Variants in ANKRD30A observed in about 807,000 individuals in gnomAD.
ANKRD30A encodes the protein ankyrin repeat domain 30A.
Under a neutral mutation model 166.3 loss-of-function variants are expected in ANKRD30A, and 170 were observed. The observed-to-expected ratio is 1.02, with a 90% CI of 0.90 to 1.16. The LOEUF is 1.16. Among genes scored for constraint, ANKRD30A ranks in the 50% most tolerant of loss-of-function variants. The pLI, the probability that ANKRD30A is intolerant of heterozygous loss-of-function variation, is 0.00. For synonymous variants in ANKRD30A, 564 were observed against 508.9 expected (o/e 1.11, Z -1.46); for missense variants, 1,630 against 1,518.0 (o/e 1.07, Z -1.23).
chr10:37,159,829 G>A (rs951847731), intron 15 of ANKRD30A, among the ~76,000 whole-genome samples: 5 of 152,106 alleles, frequency 3.3e-5, no homozygotes, highest in Middle Eastern at 3.4e-3. Flanking sequence ...CGAGTAGCTG[G>A]GACTCCAGGC....
chr10:37,251,583 TGA>T, the ANKRD30A span, among the ~76,000 whole-genome samples: 1 of 152,168 alleles, frequency 6.6e-6, no homozygotes, highest in Non-Finnish European at 1.5e-5. Flanking sequence ...TTTCTTCCTT[TGA>T]TACTGTGTGG....
downstream of ANKRD30A, among the ~76,000 whole-genome samples, chr10:37,232,866 C>A (rs1843507697): frequency 7.1e-6 from 1 of 141,068 alleles, no homozygotes; most frequent in African/African-American, 2.6e-5. Context: ...CCAATGCCCT[C>A]CAGCCTGGGC....
At chr10:37,257,026 C>CT in the ANKRD30A span, among the ~76,000 whole-genome samples, 17 of 150,488 alleles carry the variant, frequency 1.1e-4, no homozygotes, top group African/African-American at 2.4e-4. Flanking sequence ...TGGTCCTGGG[C>CT]TTTTTTTTTG....
rs1836546159 is a variant in ANKRD30A at position 37,134,286 on chromosome 10, CT to C, written c.755+236del. On this transcript the variant is annotated intron_variant, in intron 5 of 35. Coordinates refer to ENST00000361713, the MANE Select transcript of ANKRD30A (RefSeq NM_052997.3). ...AGTTATTTGGGTCTTGAAGTGTCCACTTTAGCAGAAAACCTGATAGTGTCCT... is the reference window on the plus strand; with the variant it reads ...AGTTATTTGGGTCTTGAAGTGTCCACTTAGCAGAAAACCTGATAGTGTCCT... 2.0e-5 allele frequency among the ~76,000 whole-genome samples: 3 copies of C among 152,246 alleles called. No homozygotes were observed. The East Asian group carries it at 5.8e-4, about 29-fold the overall frequency.
At chr10:37,235,765 CTTTTTTT>C (rs947216787), downstream of ANKRD30A, among the ~76,000 whole-genome samples, 4 of 114,950 alleles carry the variant, frequency 3.5e-5, no homozygotes, top group South Asian at 2.9e-4. Flanking sequence ...ATTTCATTCT[CTTTTTTT>C]TTTTTTTTTT....
At chr10:37,246,188 T>C in the ANKRD30A span, among the ~76,000 whole-genome samples, 1 of 152,222 alleles carries the variant, frequency 6.6e-6, no homozygotes, top group Non-Finnish European at 1.5e-5. Flanking sequence ...CTTCTAATAC[T>C]AGGTCTCAAA....
chr10:37,166,839 G>A, intron 19 of ANKRD30A, 144 bp downstream of exon 19: 1 of 1,408,994 alleles, frequency 7.1e-7, no homozygotes, highest in Non-Finnish European at 9.5e-7. Flanking sequence ...CATAAGTTAT[G>A]TGTCTCATCA....
At chr10:37,206,403 A>G (rs1194470020) in intron 31 of ANKRD30A, among the ~76,000 whole-genome samples, 1 of 152,214 alleles carries the variant, frequency 6.6e-6, no homozygotes, top group Non-Finnish European at 1.5e-5. Flanking sequence ...TTCAGGATTC[A>G]TAGAGATATG....
intron 11 of ANKRD30A, among the ~76,000 whole-genome samples, chr10:37,150,199 C>T (rs1238094741): frequency 6.6e-6 from 1 of 151,962 alleles, no homozygotes; most frequent in Admixed American, 6.6e-5. Flanking sequence ...CTGTTTACTT[C>T]GGGGATCACG....
At position 37,158,389 on chromosome 10, in the gene ANKRD30A, T is replaced by C. The variant is rs746968466; in HGVS notation, c.1799-3T>C. On this transcript the variant is annotated splice_region_variant and splice_polypyrimidine_tract_variant and intron_variant, in intron 13 of 35. Coordinates refer to ENST00000361713, the MANE Select transcript of ANKRD30A (RefSeq NM_052997.3). ...TCAATTATGTATGTCCCTTTTCTTA[T>C]AGAGTCTCCTAATAAAGATGGTCTT... 1.2e-6 allele frequency: 2 copies of C among 1,608,698 alleles called. No individual in the cohort carries two copies. Among genetic ancestry groups the C allele is most frequent in the African/African-American group, 1.3e-5 (1 of 74,690 alleles).
intron 31 of ANKRD30A, among the ~76,000 whole-genome samples, chr10:37,215,882 C>T (rs1308370430): frequency 2.0e-5 from 3 of 151,402 alleles, no homozygotes; most frequent in South Asian, 4.1e-4. Flanking sequence ...ATACATTCCT[C>T]AGGGGAATTT....
chr10:37,258,501 G>T, the ANKRD30A span, among the ~76,000 whole-genome samples: 1 of 152,058 alleles, frequency 6.6e-6, no homozygotes, highest in South Asian at 2.1e-4. Context: ...TGAAACTGCA[G>T]TGTAGTGAGG....
intron 31 of ANKRD30A, among the ~76,000 whole-genome samples, chr10:37,205,453 G>A (rs1192543849): frequency 6.6e-6 from 1 of 151,138 alleles, no homozygotes; most frequent in Non-Finnish European, 1.5e-5. Context: ...CTGTCATGGG[G>A]TGGGGGGAGG....
chr10:37,160,481 G>T (rs183427071), intron 15 of ANKRD30A, among the ~76,000 whole-genome samples: 44 of 152,252 alleles, frequency 2.9e-4, no homozygotes, highest in African/African-American at 8.9e-4. Context: ...CTTCAGAGAT[G>T]CTCAGATCAG....
At position 37,183,952 on chromosome 10, in the gene ANKRD30A, T is replaced by A. The variant is rs574750190; in HGVS notation, c.2422-5515T>A. 3.3e-5 allele frequency among the ~76,000 whole-genome samples: 5 copies of A among 151,412 alleles called. No individual in the cohort carries two copies. In the South Asian group the frequency reaches 1.1e-3, roughly 32 times the overall value. ...TCACGAGGTTAGGAGATCGAGACCATCCTGACTAACACGGTGAAACCCTGT... is the reference window on the plus strand; with the variant it reads ...TCACGAGGTTAGGAGATCGAGACCAACCTGACTAACACGGTGAAACCCTGT... On this transcript the variant is annotated intron_variant, in intron 24 of 35. Coordinates refer to ENST00000361713, the MANE Select transcript of ANKRD30A (RefSeq NM_052997.3).
At chr10:37,212,670 G>T (rs1011379206) in intron 31 of ANKRD30A, among the ~76,000 whole-genome samples, 5 of 151,906 alleles carry the variant, frequency 3.3e-5, no homozygotes, top group African/African-American at 1.2e-4. Context: ...CCAAAACAGA[G>T]ATATAGACCA....
chr10:37,193,184 A>G lies in ANKRD30A; in HGVS notation c.2542-2A>G, dbSNP rs1564543689. The stretch of plus-strand genomic sequence containing the variant: ...AATTGTTTTGTTTCTAAACCCATTT[A>G]GGCTCCCTGCAGAATGAAAGTTTCT... On this transcript the variant is annotated splice_acceptor_variant, in intron 26 of 35. Transcript: ENST00000361713. LOFTEE classifies it high-confidence loss of function. The G allele has an allele frequency of 1.8e-5, 29 of 1,611,870 alleles. No homozygotes were observed. Among genetic ancestry groups the G allele is most frequent in the Non-Finnish European group, 2.1e-5 (25 of 1,179,322 alleles).
At chr10:37,197,639 A>G (rs1841246555) in intron 29 of ANKRD30A, among the ~76,000 whole-genome samples, 159 bp downstream of exon 29, 1 of 152,104 alleles carries the variant, frequency 6.6e-6, no homozygotes, top group South Asian at 2.1e-4. Context: ...CTGGTATTAC[A>G]AGCACAGTAA....
intron 24 of ANKRD30A, among the ~76,000 whole-genome samples, chr10:37,183,499 C>G (rs1840176056): frequency 6.8e-6 from 1 of 146,770 alleles, no homozygotes; most frequent in Non-Finnish European, 1.5e-5. Context: ...TCTTTTCTCT[C>G]TTTTTCTTTT....
Sources: allele counts gnomAD v4.1 joint callset (sites outside exome capture counted in the v4.1 genomes callset), GRCh38; gene constraint gnomAD v4.1.1; transcripts MANE v1.5; gene names NCBI Gene and HGNC (gene_info 2026-07-23, HGNC 2026-07-21).